The following DNMT3A variants were observed in gnomAD, a reference collection of about 807,000 sequenced individuals.
DNMT3A encodes DNA (cytosine-5)-methyltransferase 3A.
Under a neutral mutation model 117.6 loss-of-function variants are expected in DNMT3A, and 267 were observed. The ratio of observed to expected loss-of-function variants is 2.27; its 90% CI spans 2.05 to 2.51. The LOEUF (loss-of-function observed/expected upper bound fraction) is 2.51, where lower values mean the gene tolerates loss of function less well. Ranked by LOEUF, DNMT3A falls within the 30% of genes most tolerant of loss-of-function variation. DNMT3A has a pLI of 0.00. For synonymous variants in DNMT3A, 432 were observed against 474.8 expected (o/e 0.91, Z 1.17); for missense variants, 1,029 against 1,260.2 (o/e 0.82, Z 2.78).
At chr2:25,264,228 C>T (rs72810056) in intron 6 of DNMT3A, among the ~76,000 whole-genome samples, 30,489 of 148,068 alleles carry the variant, frequency 0.21, 3,658 homozygotes, top group Admixed American at 0.34. Flanking sequence ...CAACCTCCAC[C>T]ACCCTGGCTC....
Position 25,264,959 on chromosome 2 carries a change from A to G in DNMT3A, c.639+9982T>C, listed in dbSNP as rs921704323. 2.6e-5 allele frequency among the ~76,000 whole-genome samples: 4 copies of G among 152,292 alleles called. No homozygotes were observed. In the East Asian group the frequency reaches 5.8e-4, roughly 22 times the overall value. ...ATTTTAGAATCTCTGGGGTCATCTC[A>G]TCTATTTCTGTCGCATTATAAACCA... On this transcript the variant is annotated intron_variant, in intron 6 of 22. Coordinates refer to ENST00000321117, the MANE Select transcript of DNMT3A (RefSeq NM_022552.5).
Position 25,282,318 on chromosome 2 carries a change from G to A in DNMT3A, c.448+123C>T. On this transcript the variant is annotated intron_variant, in intron 4 of 22. Coordinates refer to ENST00000321117, the MANE Select transcript of DNMT3A (RefSeq NM_022552.5). This position sits in a 1 kb window ranked among gnomAD's most constrained non-coding sequence, Gnocchi z 5.2. ...CAGTAGCCTCCAGGCCATAGCCTTG[G>A]CAAGCAGACCTTTAGCCACGACCCA... 2 of 1,494,666 alleles carry A rather than the reference G, an allele frequency of 1.3e-6. No homozygotes were observed. Among genetic ancestry groups the A allele is most frequent in the South Asian group, 2.6e-5 (2 of 77,342 alleles). The allele number at this position is 1,494,666 out of a possible 1,614,324, so 92.6% of individuals were successfully genotyped here. A position where few individuals can be genotyped will look rare whatever the true frequency, so the allele number is the denominator to read the frequency against.
intron 6 of DNMT3A, among the ~76,000 whole-genome samples, chr2:25,262,432 G>A (rs985118284): frequency 6.6e-6 from 1 of 152,136 alleles, no homozygotes; most frequent in African/African-American, 2.4e-5. Context: ...AAAATGAAAA[G>A]TTCACTGTAT....
In DNMT3A at chr2:25,243,901, T is replaced by TAGCGATTCCATCAAGGG; in HGVS notation, c.1932_1933insCCCTTGATGGAATCGCT (p.Thr645ProfsTer12). 1 of 1,551,914 alleles carries TAGCGATTCCATCAAGGG rather than the reference T, an allele frequency of 6.4e-7. No individual in the cohort carries two copies. ...CTCTTGGGCCTGCACCCCTCACCTG[T>TAGCGATTCCATCAAGGG]AGCGATTCCATCAAAGAGAGACAGC... On this transcript the variant is annotated frameshift_variant, in exon 16 of 23. Coordinates refer to ENST00000321117, the MANE Select transcript of DNMT3A (RefSeq NM_022552.5). LOFTEE classifies it high-confidence loss of function.
rs144822661 is a variant in DNMT3A, at chr2:25,260,584, T to C, written c.640-12332A>G. ...AATCCATCTGAGTTGCAAGTGAAAA[T>C]AATATTTATACTGCCCACCATTCAT... On this transcript the variant is annotated intron_variant, in intron 6 of 22. Transcript: ENST00000321117. Among the ~76,000 whole-genome samples the C allele has an allele frequency of 1.1e-3, 166 of 152,164 alleles. 4 individuals carry two copies. The East Asian group carries it at 0.031, about 28-fold the overall frequency.
chr2:25,338,970 G>A (rs978058965), intron 1 of DNMT3A, among the ~76,000 whole-genome samples: 1 of 152,096 alleles, frequency 6.6e-6, no homozygotes, highest in Non-Finnish European at 1.5e-5. Context: ...GGATACACAC[G>A]TGCCGAGGCT....
At position 25,243,903 on chromosome 2, in the gene DNMT3A, GC is replaced by G; in HGVS notation, c.1930del (p.Ala644LeufsTer7). On this transcript the variant is annotated frameshift_variant, in exon 16 of 23. Transcript: ENST00000321117. LOFTEE classifies it high-confidence loss of function. The part of the protein sequence containing the change: ...IRVLSLFDGI[A>X]TGLLVLKDLG... ...CTTGGGCCTGCACCCCTCACCTGTA[GC>G]GATTCCATCAAAGAGAGACAGCACC... 1 of 1,551,954 alleles carries G rather than the reference GC, an allele frequency of 6.4e-7. No individual in the cohort carries two copies. The highest frequency in any genetic ancestry group is 8.7e-7 in the Non-Finnish European group (1 of 1,147,046).
intron 13 of DNMT3A, 151 bp from the exon 14 acceptor site, chr2:25,244,803 T>C (rs1674545047): frequency 1.5e-6 from 1 of 678,496 alleles, no homozygotes; most frequent in Non-Finnish European, 2.6e-6. Flanking sequence ...CAGCTGCAGA[T>C]CTGGGAAGGG....
intron 2 of DNMT3A, among the ~76,000 whole-genome samples, chr2:25,301,954 C>G (rs942881877): frequency 4.6e-5 from 7 of 152,146 alleles, no homozygotes; most frequent in Admixed American, 3.9e-4. Flanking sequence ...TTTTAGGTGA[C>G]AGTGGGACAC....
At chr2:25,245,366 C>G in intron 12 of DNMT3A, 34 bp from the exon 13 acceptor site, 1 of 1,595,020 alleles carries the variant, frequency 6.3e-7, no homozygotes, top group Non-Finnish European at 8.6e-7. Flanking sequence ...GGGTGAGTAC[C>G]ACCGAAGGGC....
At position 25,260,841 on chromosome 2, in the gene DNMT3A, G is replaced by A. The variant is rs552820232; in HGVS notation, c.640-12589C>T. ...AGGGAGTTGATGGAAGTCAGAAAGG[G>A]CTCCACAGAGGGCATGGTGGCACGT... is the stretch of plus-strand genomic sequence containing the variant. On this transcript the variant is annotated intron_variant, in intron 6 of 22. Coordinates refer to ENST00000321117, the MANE Select transcript of DNMT3A (RefSeq NM_022552.5). 1.4e-4 allele frequency among the ~76,000 whole-genome samples: 21 copies of A among 152,246 alleles called. 1 individual carries two copies. The South Asian group carries it at 4.3e-3, about 32-fold the overall frequency.
chr2:25,240,917 T>G (rs932596466), intron 17 of DNMT3A, among the ~76,000 whole-genome samples, 187 bp from the exon 18 acceptor site: 1 of 152,132 alleles, frequency 6.6e-6, no homozygotes, highest in Non-Finnish European at 1.5e-5. Context: ...CGGGACCAAG[T>G]TGGATCATTT....
At chr2:25,340,342 G>A (rs1283785786) in intron 1 of DNMT3A, among the ~76,000 whole-genome samples, 1 of 152,216 alleles carries the variant, frequency 6.6e-6, no homozygotes, top group African/African-American at 2.4e-5. Context: ...AGGGGATGAG[G>A]AGAGGGGGAG....
rs70947875 is a variant in DNMT3A at position 25,272,977 on chromosome 2, A to ATTTTTTTTTTTTTT, written c.639+1950_639+1963dup. Among the ~76,000 whole-genome samples, 10 of 106,478 alleles carry ATTTTTTTTTTTTTT rather than the reference A, an allele frequency of 9.4e-5. 1 individual carries two copies. Among genetic ancestry groups the ATTTTTTTTTTTTTT allele is most frequent in the African/African-American group, 3.9e-4 (9 of 23,358 alleles). 69.9% of individuals were successfully genotyped at this position (106,478 alleles called of 152,430 possible). A position where few individuals can be genotyped will look rare whatever the true frequency, so the allele number is the denominator to read the frequency against. ...CCACCACACCTGGCTAATTGTTTGT[A>ATTTTTTTTTTTTTT]TTTTTTTTTTTTTTGAGACAGAGTT... On this transcript the variant is annotated intron_variant, in intron 6 of 22. Transcript: ENST00000321117.
In DNMT3A at chr2:25,252,661, G is replaced by T. The variant is rs1284308826; in HGVS notation, c.640-4409C>A. On this transcript the variant is annotated intron_variant, in intron 6 of 22. Transcript: ENST00000321117. This position sits in a 1 kb window ranked among gnomAD's most constrained non-coding sequence, Gnocchi z 5.5. Reference sequence around the variant, plus strand: ...GGAGGGAAGGGGCTGCTCCCGAGCCGCCTGCCCGGAGGGAGCCGGGGGTCC... The same window carrying T: ...GGAGGGAAGGGGCTGCTCCCGAGCCTCCTGCCCGGAGGGAGCCGGGGGTCC... 6.6e-6 allele frequency among the ~76,000 whole-genome samples: 1 copy of T among 152,082 alleles called. No individual in the cohort carries two copies.
intron 6 of DNMT3A, 123 bp downstream of exon 6, chr2:25,274,818 A>T: frequency 7.4e-7 from 1 of 1,359,580 alleles, no homozygotes; most frequent in Non-Finnish European, 9.9e-7. Flanking sequence ...AGTCATCATG[A>T]CTAGAGATTA....
chr2:25,284,583 G>A (rs978083119), intron 3 of DNMT3A, among the ~76,000 whole-genome samples: 1 of 135,080 alleles, frequency 7.4e-6, no homozygotes, highest in Non-Finnish European at 1.5e-5. Context: ...GGAGGTAGAG[G>A]TTGCAGTGAG....
intron 1 of DNMT3A, among the ~76,000 whole-genome samples, chr2:25,314,933 A>T (rs537940656): frequency 3.3e-5 from 5 of 152,168 alleles, no homozygotes; most frequent in Non-Finnish European, 7.4e-5. Flanking sequence ...CAGAGAAATA[A>T]CAAAGCCTGC....
rs370376334 is a variant in DNMT3A at position 25,244,599 on chromosome 2, G to A, written c.1608C>T (p.Tyr536=). Residue 536 remains tyrosine (Y), a synonymous_variant, in exon 14 of 23, where the codon TAC becomes TAT. Transcript: ENST00000321117. ...CACGGCCCCCACAGCAGATGGTGCA[G>A]TAGGACTGGTAGCCGTCGTCGTCGT... ...YQYDDDGYQS[Y]CTICCGGREV... 6.2e-7 allele frequency: 1 copy of A among 1,614,206 alleles called. No homozygotes were observed. Among genetic ancestry groups the A allele is most frequent in the Non-Finnish European group, 8.5e-7 (1 of 1,180,010 alleles).
Sources: gnomAD v4.1 joint callset for allele counts (sites outside exome capture counted in the v4.1 genomes callset) on GRCh38, gnomAD v4.1.1 for gene constraint, Gnocchi (gnomAD v3.1) non-coding constraint, MANE v1.5 for transcripts, NCBI Gene and HGNC (gene_info 2026-07-23, HGNC 2026-07-21) for gene names.